The following TPO variants were observed in gnomAD, a reference collection of about 807,000 sequenced individuals.
The protein encoded by TPO is thyroid peroxidase.
Under a neutral mutation model 96.9 loss-of-function variants are expected in TPO, and 78 were observed. The ratio of observed to expected loss-of-function variants is 0.81; its 90% CI spans 0.67 to 0.97. The LOEUF (loss-of-function observed/expected upper bound fraction) is 0.97. Among genes scored for constraint, TPO ranks in the 50% least tolerant of loss-of-function variants. TPO has a pLI of 0.00. For missense variants in TPO, 1,252 were observed against 1,274.8 expected, an observed-to-expected ratio of 0.98 and a Z score of 0.27; for synonymous variants, 547 against 538.0, an observed-to-expected ratio of 1.02 and a Z score of -0.23.
At chr2:1,443,106 G>C (rs1368906825) in intron 5 of TPO, among the ~76,000 whole-genome samples, 1 of 152,206 alleles carries the variant, frequency 6.6e-6, no homozygotes, top group Non-Finnish European at 1.5e-5. Context: ...TATTTCTTGA[G>C]TTTTGATCTG....
In TPO at chr2:1,387,178, C is replaced by G. The variant is rs1661913289; in HGVS notation, n.180+12776C>G. On this transcript the variant is annotated intron_variant and non_coding_transcript_variant, in intron 1 of 5. Coordinates refer to the TPO transcript ENST00000497517. ...TTCATTTCAACTTTGGTGAATCTGACAATTATGTGTCTTGGAGTTGCTCTT... is the reference window on the plus strand; with the variant it reads ...TTCATTTCAACTTTGGTGAATCTGAGAATTATGTGTCTTGGAGTTGCTCTT... 2.0e-5 allele frequency among the ~76,000 whole-genome samples: 3 copies of G among 152,262 alleles called. No individual in the cohort carries two copies. The South Asian group carries it at 6.2e-4, about 32-fold the overall frequency.
intron 5 of TPO, among the ~76,000 whole-genome samples, chr2:1,446,915 A>G (rs1235827073): frequency 6.6e-6 from 1 of 152,226 alleles, no homozygotes; most frequent in African/African-American, 2.4e-5. Flanking sequence ...ATTGTTTTAC[A>G]TGTCACATTT....
intron 15 of TPO, among the ~76,000 whole-genome samples, chr2:1,534,130 T>TC (rs376679715): frequency 4.0e-5 from 1 of 24,774 alleles, no homozygotes. Context: ...CCTCCCCAAA[T>TC]CCCCCCAACT....
chr2:1,473,291 G>A (rs1173944898), intron 7 of TPO, among the ~76,000 whole-genome samples: 2 of 152,156 alleles, frequency 1.3e-5, no homozygotes, highest in African/African-American at 2.4e-5. Flanking sequence ...TTCCCATTCA[G>A]ATGGAAAACC....
chr2:1,426,494 A>G (rs922355862), intron 3 of TPO, among the ~76,000 whole-genome samples: 1 of 152,126 alleles, frequency 6.6e-6, no homozygotes, highest in African/African-American at 2.4e-5. Flanking sequence ...CGATCATTTC[A>G]TATCCTCAAA....
At chr2:1,507,983 C>A (rs1261879630) in intron 14 of TPO, among the ~76,000 whole-genome samples, 1 of 152,158 alleles carries the variant, frequency 6.6e-6, no homozygotes, top group Non-Finnish European at 1.5e-5. Context: ...GGGAATGCTT[C>A]CAGTTTTTGC....
At chr2:1,487,128 C>T (rs920409552) in intron 9 of TPO, among the ~76,000 whole-genome samples, 4 of 152,210 alleles carry the variant, frequency 2.6e-5, no homozygotes, top group African/African-American at 9.6e-5. Flanking sequence ...GAACAGTGGT[C>T]CCCAGGCACC....
Position 1,496,196 on chromosome 2 carries a change from A to T in TPO, c.2214A>T (p.Gln738His), listed in dbSNP as rs757283013. Residue 738 changes from glutamine to histidine, a missense_variant and splice_region_variant, in exon 12 of 17, where the codon CAA becomes CAT. Transcript: ENST00000329066. ...AGGCCTGGAGGGAAACCTTTCCTCA[A>T]GGTGAAGTTCGGTCTCCTCTCACAC... ...NLEAWRETFP[Q>H]DDKCGFPESV... is the part of the protein sequence containing the mutation. The T allele has an allele frequency of 1.9e-6, 3 of 1,613,784 alleles. No homozygotes were observed. The highest frequency in any genetic ancestry group is 2.5e-6 in the Non-Finnish European group (3 of 1,179,944).
At position 1,512,322 on chromosome 2, in the gene TPO, G is replaced by A. The variant is rs1047268658; in HGVS notation, c.2519-4561G>A. On this transcript the variant is annotated intron_variant, in intron 14 of 16. Transcript: ENST00000329066. ...CCAAATGTGTCTCTAGAGTTGAGACGTTCCCTCCCAGTGCTACCTCTTTGC... is the reference window on the plus strand; with the variant it reads ...CCAAATGTGTCTCTAGAGTTGAGACATTCCCTCCCAGTGCTACCTCTTTGC... 14 of 871,532 alleles carry A rather than the reference G, an allele frequency of 1.6e-5. No homozygotes were observed. In the African/African-American group the frequency reaches 2.0e-4, roughly 12 times the overall value. The allele number at this position is 871,532 out of a possible 1,614,324, so 54.0% of individuals were successfully genotyped here.
At chr2:1,442,507 TATG>T (rs779541148) in intron 5 of TPO, among the ~76,000 whole-genome samples, 4 of 152,252 alleles carry the variant, frequency 2.6e-5, no homozygotes, top group African/African-American at 4.8e-5. Flanking sequence ...GTATTCATTA[TATG>T]ATAAATATGA....
intron 7 of TPO, among the ~76,000 whole-genome samples, chr2:1,458,547 T>C (rs1003232655): frequency 1.3e-5 from 2 of 150,578 alleles, no homozygotes; most frequent in African/African-American, 5.0e-5. Flanking sequence ...TTTGTGGACA[T>C]GTGTGTATAT....
At chr2:1,525,510 A>G (rs1170492694) in intron 15 of TPO, among the ~76,000 whole-genome samples, 5 of 58,852 alleles carry the variant, frequency 8.5e-5, no homozygotes, top group African/African-American at 1.3e-4. Context: ...CCCACTGGGT[A>G]CAACCTCCTC....
At chr2:1,525,403 C>T (rs1242871793) in intron 15 of TPO, among the ~76,000 whole-genome samples, 1 of 131,800 alleles carries the variant, frequency 7.6e-6, no homozygotes, top group Admixed American at 7.9e-5. Context: ...ATGTGTGCAA[C>T]TTCCTCAAAT....
chr2:1,398,741 T>A (rs1662122772), intron 1 of TPO, among the ~76,000 whole-genome samples: 1 of 152,072 alleles, frequency 6.6e-6, no homozygotes, highest in Non-Finnish European at 1.5e-5. Flanking sequence ...GGGGTGCCCT[T>A]CCCCCAAGGA....
At chr2:1,456,415 C>T (rs1196106963) in intron 7 of TPO, 133 bp downstream of exon 7, 13 of 941,988 alleles carry the variant, frequency 1.4e-5, no homozygotes, top group Non-Finnish European at 1.9e-5. Context: ...TTGTGAATAT[C>T]TGGTGCATCT....
In TPO at chr2:1,495,839, G is replaced by A. The variant is rs75452276; in HGVS notation, c.2007-150G>A. On this transcript the variant is annotated intron_variant, in intron 11 of 16. Transcript: ENST00000329066. Reference sequence around the variant, plus strand: ...ACAGGGTCTCCTTCAGGTCCTCAGCGCCTGCACCTGTGTGGCCCCGGGTGC... The same window carrying A: ...ACAGGGTCTCCTTCAGGTCCTCAGCACCTGCACCTGTGTGGCCCCGGGTGC... 2.8e-3 allele frequency: 2,389 copies of A among 843,382 alleles called. 8 individuals carry two copies. The highest frequency in any genetic ancestry group is 4.0e-3 in the Non-Finnish European group (2,141 of 531,494). The allele number at this position is 843,382 out of a possible 1,614,324, so 52.2% of individuals were successfully genotyped here.
chr2:1,525,749 AC>A (rs1289317646), intron 15 of TPO, among the ~76,000 whole-genome samples: 20 of 92,998 alleles, frequency 2.2e-4, no homozygotes, highest in Admixed American at 1.2e-4. Flanking sequence ...CCCAAATCTC[AC>A]CCCACTGTGG....
intron 12 of TPO, 106 bp from the exon 13 acceptor site, chr2:1,496,489 T>G: frequency 6.6e-7 from 1 of 1,521,906 alleles, no homozygotes; most frequent in Non-Finnish European, 9.0e-7. Flanking sequence ...TCCCCGGCCC[T>G]GGCACCAGCC....
intron 15 of TPO, among the ~76,000 whole-genome samples, chr2:1,529,473 C>G (rs1273204287): frequency 8.9e-6 from 1 of 112,054 alleles, no homozygotes; most frequent in Non-Finnish European, 1.7e-5. Flanking sequence ...TCCCCATATC[C>G]CCCCACTGTG....
Sources: gnomAD v4.1 joint callset for allele counts (sites outside exome capture counted in the v4.1 genomes callset) on GRCh38, gnomAD v4.1.1 for gene constraint, MANE v1.5 for transcripts, NCBI Gene and HGNC (gene_info 2026-07-23, HGNC 2026-07-21) for gene names.